CCDC30: variants seen among roughly 807,000 people sequenced by gnomAD.
The protein encoded by CCDC30 is coiled-coil domain-containing protein 30.
A neutral mutation model predicts 100.2 loss-of-function variants in CCDC30; 70 were observed. The observed-to-expected ratio is 0.70, with a 90% confidence interval of 0.58 to 0.85. The LOEUF is 0.85. Among genes scored for constraint, CCDC30 ranks in the 40% least tolerant of loss-of-function variants. The pLI is 0.00. For missense variants in CCDC30, 652 were observed against 771.2 expected, an observed-to-expected ratio of 0.85 and a Z score of 1.83; for synonymous variants, 233 against 269.5, an observed-to-expected ratio of 0.86 and a Z score of 1.33.
rs777884485 is a variant in CCDC30 at position 42,539,235 on chromosome 1, G to T, written c.457-27061G>T. The stretch of plus-strand genomic sequence containing the variant: ...ATAATGAAGTTCACAATCTTCCAGG[G>T]GAATCAGAAAGCAAAGACCATTTTT... On this transcript the variant is annotated intron_variant, in intron 6 of 16. Transcript: ENST00000668663. 3 of 1,609,406 alleles carry T rather than the reference G, an allele frequency of 1.9e-6. No individual in the cohort carries two copies. The Admixed American group carries it at 5.0e-5, about 27-fold the overall frequency.
intron 6 of CCDC30, among the ~76,000 whole-genome samples, chr1:42,535,696 C>CTATATATATATATATTA (rs1300792818): frequency 1.4e-3 from 1 of 708 alleles, no homozygotes; most frequent in African/African-American, 4.7e-3. Context: ...CCCATCACTA[C>CTATATATATATATATTA]TATATATATA....
At chr1:42,621,394 C>A (rs1646827791) in intron 11 of CCDC30, among the ~76,000 whole-genome samples, 1 of 152,054 alleles carries the variant, frequency 6.6e-6, no homozygotes, top group Non-Finnish European at 1.5e-5. Context: ...CAGCTCACTG[C>A]AGCCTTGACC....
intron 3 of CCDC30, among the ~76,000 whole-genome samples, chr1:42,484,586 C>T (rs1038969525): frequency 2.0e-5 from 3 of 152,154 alleles, no homozygotes; most frequent in Non-Finnish European, 2.9e-5. Context: ...ATTAGCAAGT[C>T]CTTTTGGAAT....
exon 1 of CCDC30, chr1:42,463,664 C>T (rs758588393): frequency 3.9e-5 from 6 of 152,152 alleles, no homozygotes; most frequent in Non-Finnish European, 7.3e-5. Flanking sequence ...CGAGGTAGGT[C>T]GGCGTTCCTT....
intron 10 of CCDC30, chr1:42,595,556 AAAAAAG>A (rs1646270291): frequency 6.6e-6 from 1 of 152,310 alleles, no homozygotes; most frequent in South Asian, 2.1e-4. Flanking sequence ...CAAAAAGAGA[AAAAAAG>A]AAAAAGAAAA....
intron 4 of CCDC30, among the ~76,000 whole-genome samples, chr1:42,493,433 CA>C (rs1174266978): frequency 6.6e-6 from 1 of 151,960 alleles, no homozygotes; most frequent in Non-Finnish European, 1.5e-5. Context: ...ACTAAAAATA[CA>C]AAAATTAGCT....
chr1:42,460,206 G>A (rs1412598866), upstream of CCDC30: 5 of 1,122,582 alleles, frequency 4.5e-6, no homozygotes, highest in Admixed American at 2.2e-4. Flanking sequence ...CTGAATGTCA[G>A]CCATCTTTAT....
chr1:42,478,398 G>A (rs1301810954), intron 1 of CCDC30, among the ~76,000 whole-genome samples: 1 of 152,200 alleles, frequency 6.6e-6, no homozygotes, highest in Non-Finnish European at 1.5e-5. Flanking sequence ...AATCTTGGAT[G>A]ACTCTAATAC....
intron 11 of CCDC30, among the ~76,000 whole-genome samples, chr1:42,624,541 G>A (rs995253464): frequency 1.3e-5 from 2 of 152,160 alleles, no homozygotes; most frequent in Non-Finnish European, 2.9e-5. Flanking sequence ...GTGCAGTGGT[G>A]TGATCTTGGC....
intron 11 of CCDC30, among the ~76,000 whole-genome samples, chr1:42,628,363 T>G (rs931197315): frequency 6.6e-6 from 1 of 152,234 alleles, no homozygotes; most frequent in African/African-American, 2.4e-5. Flanking sequence ...TTGTTTCCGA[T>G]GACACTTTGA....
At chr1:42,654,119 G>A in exon 17 of CCDC30, 1 of 819,392 alleles carries the variant, frequency 1.2e-6, no homozygotes, top group Non-Finnish European at 2.0e-6. Context: ...AGTTACCACA[G>A]ATCCCAAATG....
chr1:42,611,921 C>T (rs1646633932), intron 11 of CCDC30, among the ~76,000 whole-genome samples: 1 of 152,080 alleles, frequency 6.6e-6, no homozygotes, highest in Non-Finnish European at 1.5e-5. Flanking sequence ...TCCCAAAATG[C>T]TGGGATTATA....
At chr1:42,519,292 C>G (rs1165913500) in intron 6 of CCDC30, among the ~76,000 whole-genome samples, 1 of 152,118 alleles carries the variant, frequency 6.6e-6, no homozygotes, top group African/African-American at 2.4e-5. Context: ...TAATTATGTC[C>G]TCTTCAAATG....
chr1:42,572,773 T>C (rs541376242), intron 7 of CCDC30, among the ~76,000 whole-genome samples: 5 of 152,236 alleles, frequency 3.3e-5, no homozygotes, highest in Non-Finnish European at 5.9e-5. Flanking sequence ...CACACCACCA[T>C]GCCTGGCTAA....
At chr1:42,475,366 A>G (rs1643871441) in intron 1 of CCDC30, among the ~76,000 whole-genome samples, 1 of 152,156 alleles carries the variant, frequency 6.6e-6, no homozygotes, top group Non-Finnish European at 1.5e-5. Context: ...TTTTAGGTGG[A>G]AAATTATGCA....
At chr1:42,624,284 C>T (rs1265752094) in intron 11 of CCDC30, among the ~76,000 whole-genome samples, 1 of 152,102 alleles carries the variant, frequency 6.6e-6, no homozygotes, top group Non-Finnish European at 1.5e-5. Flanking sequence ...TTATCAAATG[C>T]TTTTCCAGCA....
chr1:42,523,540 G>A lies in CCDC30; in HGVS notation c.456+24624G>A, dbSNP rs114103498. ...TTTTCTTTTGGTTTTGTCTTTCAAC[G>A]GTTTGATTATAATGTGTCTTGGTGT... is the stretch of plus-strand genomic sequence containing the variant. On this transcript the variant is annotated intron_variant, in intron 6 of 16. Coordinates refer to ENST00000668663, the Ensembl canonical transcript of CCDC30. Among the ~76,000 whole-genome samples the A allele has an allele frequency of 3.6e-3, 550 of 152,080 alleles. 8 individuals carry two copies. Among genetic ancestry groups the A allele is most frequent in the African/African-American group, 0.013 (532 of 41,454 alleles).
chr1:42,566,073 A>G (rs1327880345), intron 6 of CCDC30, among the ~76,000 whole-genome samples: 1 of 152,202 alleles, frequency 6.6e-6, no homozygotes, highest in Non-Finnish European at 1.5e-5. Context: ...TTTTGTTAAC[A>G]TAATTTTATT....
chr1:42,556,674 A>G (rs2148551602), intron 6 of CCDC30, among the ~76,000 whole-genome samples: 1 of 152,304 alleles, frequency 6.6e-6, no homozygotes, highest in East Asian at 1.9e-4. Context: ...GAGTTATCAT[A>G]TACATTTGTG....
Sources: gnomAD v4.1 joint callset for allele counts (sites outside exome capture counted in the v4.1 genomes callset) on GRCh38, gnomAD v4.1.1 for gene constraint, MANE v1.5 for transcripts, NCBI Gene and HGNC (gene_info 2026-07-23, HGNC 2026-07-21) for gene names.